The following ALOX5 variants were observed in gnomAD, a reference collection of about 807,000 sequenced individuals.
The protein encoded by ALOX5 is arachidonate 5-lipoxygenase.
A neutral mutation model predicts 87.9 loss-of-function variants in ALOX5; 64 were observed. That is an observed-to-expected ratio of 0.73 (90% CI 0.60 to 0.90). The LOEUF is 0.90. ALOX5 is among the 40% of genes least tolerant of loss of function. ALOX5 has a pLI of 0.00. For missense variants in ALOX5, 822 were observed against 907.5 expected, an observed-to-expected ratio of 0.91 and a Z score of 1.21; for synonymous variants, 388 against 355.1, an observed-to-expected ratio of 1.09 and a Z score of -1.04.
chr10:45,444,105 C>T lies in ALOX5; in HGVS notation c.1675-11C>T, dbSNP rs202082007. 2.9e-3 allele frequency: 4,480 copies of T among 1,523,384 alleles called. 13 individuals are homozygous for T. Among genetic ancestry groups the T allele is most frequent in the Middle Eastern group, 0.012 (60 of 4,948 alleles). The allele number at this position is 1,523,384 out of a possible 1,614,324, so 94.4% of individuals were successfully genotyped here. ...GGGGGTGCCCACGCTTGCTGGCGGT[C>T]GTCTCCGCAGTACGACTGGTGCTCC... is the stretch of plus-strand genomic sequence containing the variant. On this transcript the variant is annotated splice_polypyrimidine_tract_variant and intron_variant, in intron 12 of 13. Coordinates refer to ENST00000374391, the MANE Select transcript of ALOX5 (RefSeq NM_000698.5).
chr10:45,419,650 C>T (rs1201915905), intron 4 of ALOX5, among the ~76,000 whole-genome samples: 1 of 152,196 alleles, frequency 6.6e-6, no homozygotes, highest in Non-Finnish European at 1.5e-5. Context: ...GATTCCCGAG[C>T]GGGAGGATCG....
At chr10:45,401,516 C>T (rs2132731116) in intron 3 of ALOX5, among the ~76,000 whole-genome samples, 1 of 151,958 alleles carries the variant, frequency 6.6e-6, no homozygotes, top group African/African-American at 2.4e-5. Flanking sequence ...CTATATATAC[C>T]ACTTTGCATC....
intron 1 of ALOX5, among the ~76,000 whole-genome samples, chr10:45,378,718 A>G (rs1193109937): frequency 6.6e-6 from 1 of 152,104 alleles, no homozygotes; most frequent in South Asian, 2.1e-4. Context: ...GGATGTTAGA[A>G]CCACAGCCAT....
At chr10:45,383,522 A>G (rs1038777578) in intron 2 of ALOX5, among the ~76,000 whole-genome samples, 2 of 152,258 alleles carry the variant, frequency 1.3e-5, no homozygotes, top group Admixed American at 1.3e-4. Flanking sequence ...CACCGTAATA[A>G]GAGAAAGCCA....
chr10:45,443,438 A>C lies in ALOX5; in HGVS notation c.1474A>C (p.Ile492Leu). The change falls in exon 11 of 14, where the codon ATC becomes CTC. Residue 492 changes from isoleucine (I) to leucine (L), a missense_variant. By Grantham distance (5) the Ile-to-Leu change is conservative. Transcript: ENST00000374391. ...CAGGTTCACGGCCGAGGTGGTAGAC[A>C]TCTACTACGAGGGCGACCAGGTGGT... ...IRTFTAEVVD[I>L]YYEGDQVVEE... 1 of 1,609,284 alleles carries C rather than the reference A, an allele frequency of 6.2e-7. No individual in the cohort carries two copies.
intron 3 of ALOX5, among the ~76,000 whole-genome samples, chr10:45,399,538 C>G (rs112380577): frequency 3.3e-5 from 5 of 152,238 alleles, no homozygotes; most frequent in African/African-American, 1.2e-4. Context: ...CAACATAACA[C>G]TCTTGGAAGA....
chr10:45,380,902 A>T (rs1588978121), intron 1 of ALOX5, among the ~76,000 whole-genome samples: 1 of 152,344 alleles, frequency 6.6e-6, no homozygotes. Context: ...AGATCGAGCC[A>T]CTGCACTCCA....
chr10:45,419,733 T>A (rs1841435480), intron 4 of ALOX5, among the ~76,000 whole-genome samples: 1 of 49,008 alleles, frequency 2.0e-5, no homozygotes, highest in Non-Finnish European at 4.1e-5. Flanking sequence ...AGTGAGACCC[T>A]GTTTCAAAAG....
chr10:45,386,487 T>G (rs1445878506), intron 2 of ALOX5, among the ~76,000 whole-genome samples: 1 of 151,006 alleles, frequency 6.6e-6, no homozygotes, highest in Non-Finnish European at 1.5e-5. Flanking sequence ...AAAAATAAAA[T>G]AAATACAAAA....
chr10:45,412,200 G>T lies in ALOX5; in HGVS notation c.441G>T (p.Glu147Asp). 6.2e-7 allele frequency: 1 copy of T among 1,614,186 alleles called. No homozygotes were observed. ...CCTTTCTCATGCTCAGATGGATGGA[G>T]TGGAACCCTGGCTTCCCCTTGAGCA... ...ETRQKQYRWMEWNPGFPLSID... is the reference protein window; with the variant it reads ...ETRQKQYRWMDWNPGFPLSID... Residue 147 changes from glutamate (E) to aspartate (D), a missense_variant, in exon 4 of 14, where the codon GAG (glutamate) becomes GAT (aspartate). Transcript: ENST00000374391.
At chr10:45,410,296 AAAAC>A (rs567373039) in intron 3 of ALOX5, among the ~76,000 whole-genome samples, 12 of 152,268 alleles carry the variant, frequency 7.9e-5, no homozygotes, top group African/African-American at 1.9e-4. Flanking sequence ...GTCATTTTCC[AAAAC>A]AAACAAACAA....
At chr10:45,436,116 G>T (rs12355888) in intron 7 of ALOX5, among the ~76,000 whole-genome samples, 16,907 of 152,122 alleles carry the variant, frequency 0.11, 1,229 homozygotes, top group Non-Finnish European at 0.15. Flanking sequence ...TTTAATGGTG[G>T]TGTTTTTTCT....
At chr10:45,413,943 C>T (rs550938069) in intron 4 of ALOX5, among the ~76,000 whole-genome samples, 14 of 152,160 alleles carry the variant, frequency 9.2e-5, no homozygotes, top group Admixed American at 7.9e-4. Flanking sequence ...TAAAAGAGGA[C>T]ACAAACAAAT....
intron 4 of ALOX5, among the ~76,000 whole-genome samples, chr10:45,418,961 G>A (rs1009264470): frequency 6.6e-6 from 1 of 152,212 alleles, no homozygotes; most frequent in African/African-American, 2.4e-5. Flanking sequence ...GCGAGGGGTC[G>A]GGGGCTCACA....
intron 2 of ALOX5, among the ~76,000 whole-genome samples, chr10:45,391,518 G>A (rs536855941): frequency 1.4e-4 from 21 of 151,768 alleles, no homozygotes; most frequent in Non-Finnish European, 2.4e-4. Flanking sequence ...CCGCCACCCC[G>A]TCTGGGAAGT....
chr10:45,441,400 G>C lies in ALOX5; in HGVS notation c.1242G>C (p.Gln414His). The C allele has an allele frequency of 1.2e-6, 2 of 1,613,768 alleles. No homozygotes were observed. Among genetic ancestry groups the C allele is most frequent in the Non-Finnish European group, 1.7e-6 (2 of 1,179,732 alleles). ...TIAINTKARE[Q>H]LICECGLFDK... ...CAATCAACACCAAGGCCCGTGAGCAGCTCATCTGCGAGTGTGGCCTCTTTG... is the reference window on the plus strand; with the variant it reads ...CAATCAACACCAAGGCCCGTGAGCACCTCATCTGCGAGTGTGGCCTCTTTG... The change falls in exon 9 of 14, where the codon CAG becomes CAC. Residue 414 changes from glutamine to histidine, a missense_variant. Gln to His is a conservative substitution (Grantham distance 24). Coordinates refer to ENST00000374391, the MANE Select transcript of ALOX5 (RefSeq NM_000698.5).
At chr10:45,415,366 A>G (rs984292364) in intron 4 of ALOX5, among the ~76,000 whole-genome samples, 2 of 152,168 alleles carry the variant, frequency 1.3e-5, no homozygotes, top group Admixed American at 6.5e-5. Context: ...GTTCTCACTC[A>G]TAGGTGGGAA....
At chr10:45,397,327 C>G (rs1051994303) in intron 3 of ALOX5, among the ~76,000 whole-genome samples, 11 of 152,218 alleles carry the variant, frequency 7.2e-5, no homozygotes, top group African/African-American at 2.7e-4. Context: ...TTGCAGTGAG[C>G]TGAGATCATG....
intron 4 of ALOX5, 44 bp from the exon 5 acceptor site, chr10:45,423,997 G>T: frequency 1.3e-6 from 2 of 1,481,544 alleles, no homozygotes; most frequent in Admixed American, 3.4e-5. Context: ...TGCAGAGGGA[G>T]GCATGGCTAG....
Sources: allele counts gnomAD v4.1 joint callset (sites outside exome capture counted in the v4.1 genomes callset), GRCh38; gene constraint gnomAD v4.1.1; transcripts MANE v1.5; gene names NCBI Gene and HGNC (gene_info 2026-07-23, HGNC 2026-07-21).